EYA2: variants seen among roughly 807,000 people sequenced by gnomAD.
EYA2 encodes EYA transcriptional coactivator and phosphatase 2.
EYA2 carries 31 observed loss-of-function variants against 69.2 expected under a neutral mutation model. That is an observed-to-expected ratio of 0.45 (90% confidence interval 0.34 to 0.60). The LOEUF (loss-of-function observed/expected upper bound fraction) is 0.60, where lower values mean the gene tolerates loss of function less well. Ranked by LOEUF, EYA2 falls within the 20% of genes least tolerant of loss-of-function variation. The probability of loss-of-function intolerance (pLI) is 0.02; values close to 1 mark genes in which losing one functional copy is unlikely to be tolerated. For synonymous variants in EYA2, 257 were observed against 279.4 expected (o/e 0.92, Z 0.80); for missense variants, 622 against 701.2 (o/e 0.89, Z 1.28).
chr20:46,982,454 C>T (rs1980895011), intron 1 of EYA2, among the ~76,000 whole-genome samples: 1 of 152,196 alleles, frequency 6.6e-6, no homozygotes, highest in African/African-American at 2.4e-5. Flanking sequence ...TTGGGATTCA[C>T]AGAACTTCTT....
Position 47,188,405 on chromosome 20 carries a change from A to C in EYA2, c.*272A>C. ...CTCTTCTGTAAGACTCACAGAACAA[A>C]AGCAAGGAATTGCTGATTTGGGGGG... On this transcript the variant is annotated 3_prime_UTR_variant, in exon 16 of 16. Transcript: ENST00000327619. 1 of 564,840 alleles carries C rather than the reference A, an allele frequency of 1.8e-6. No homozygotes were observed. Among genetic ancestry groups the C allele is most frequent in the Non-Finnish European group, 3.1e-6 (1 of 317,730 alleles). The allele number at this position is 564,840 out of a possible 1,614,324, so 35.0% of individuals were successfully genotyped here.
At chr20:47,014,263 A>T (rs190458429) in intron 4 of EYA2, among the ~76,000 whole-genome samples, 2 of 152,282 alleles carry the variant, frequency 1.3e-5, no homozygotes, top group Admixed American at 1.3e-4. Context: ...CCTGACTCAC[A>T]ATCTATCTGT....
intron 3 of EYA2, among the ~76,000 whole-genome samples, chr20:47,004,654 G>A (rs927859923): frequency 6.6e-6 from 1 of 152,164 alleles, no homozygotes; most frequent in Admixed American, 6.5e-5. Flanking sequence ...GAGGGTTGCG[G>A]GGGATGTGTT....
Position 47,169,166 on chromosome 20 carries a change from G to T in EYA2, c.1006G>T (p.Val336Phe). ...EDCDQIHVDD[V>F]SSDDNGQDLS... is the part of the protein sequence containing the mutation. ...TTGTGACCAGATCCACGTTGATGAC[G>T]TCTCATCAGATGACAATGGCCAAGA... The change falls in exon 11 of 16, where the codon GTC becomes TTC. Residue 336 changes from valine to phenylalanine, a missense_variant. By Grantham distance (50) the Val-to-Phe change is conservative. Coordinates refer to ENST00000327619, the MANE Select transcript of EYA2 (RefSeq NM_005244.5). 1 of 1,613,924 alleles carries T rather than the reference G, an allele frequency of 6.2e-7. No individual in the cohort carries two copies. The highest frequency in any genetic ancestry group is 8.5e-7 in the Non-Finnish European group (1 of 1,179,950).
intron 15 of EYA2, among the ~76,000 whole-genome samples, chr20:47,187,643 C>T (rs1323216107): frequency 6.6e-6 from 1 of 152,196 alleles, no homozygotes; most frequent in African/African-American, 2.4e-5. Flanking sequence ...CTCAAGCAAT[C>T]CTCCCGCCTC....
At chr20:47,132,570 A>G (rs1209583606) in intron 9 of EYA2, among the ~76,000 whole-genome samples, 1 of 152,192 alleles carries the variant, frequency 6.6e-6, no homozygotes, top group Non-Finnish European at 1.5e-5. Flanking sequence ...GGGAGAGTGA[A>G]CATCTCCTTC....
At chr20:47,015,297 TCTC>T (rs1186850440) in intron 4 of EYA2, among the ~76,000 whole-genome samples, 1 of 152,200 alleles carries the variant, frequency 6.6e-6, no homozygotes, top group Non-Finnish European at 1.5e-5. Context: ...ATGGTTAGCC[TCTC>T]CTCCTCAACA....
At chr20:47,123,027 G>A (rs1568792127) in intron 9 of EYA2, among the ~76,000 whole-genome samples, 1 of 152,162 alleles carries the variant, frequency 6.6e-6, no homozygotes, top group African/African-American at 2.4e-5. Flanking sequence ...TTTCACCTCT[G>A]TAGCATGGAT....
intron 8 of EYA2, among the ~76,000 whole-genome samples, chr20:47,095,209 T>G (rs889644100): frequency 1.3e-5 from 2 of 152,110 alleles, no homozygotes; most frequent in African/African-American, 2.4e-5. Flanking sequence ...GAAAAAAAGT[T>G]ATTGGAAATC....
At chr20:46,988,077 A>G (rs1166072022) in intron 1 of EYA2, among the ~76,000 whole-genome samples, 1 of 148,490 alleles carries the variant, frequency 6.7e-6, no homozygotes, top group Non-Finnish European at 1.5e-5. Context: ...TAGTGTTTAC[A>G]TTGCGTTGGA....
At chr20:46,953,011 CA>C (rs1371617566) in intron 1 of EYA2, among the ~76,000 whole-genome samples, 2 of 152,188 alleles carry the variant, frequency 1.3e-5, no homozygotes, top group Non-Finnish European at 2.9e-5. Context: ...GTTCAATTTT[CA>C]AATGTCATCC....
intron 10 of EYA2, among the ~76,000 whole-genome samples, chr20:47,165,094 C>T (rs1041589790): frequency 6.6e-6 from 1 of 152,192 alleles, no homozygotes; most frequent in Admixed American, 6.5e-5. Flanking sequence ...GACTAAAGAA[C>T]TGAACCTTTA....
chr20:47,102,606 G>A (rs2146527455), intron 9 of EYA2, among the ~76,000 whole-genome samples: 1 of 152,312 alleles, frequency 6.6e-6, no homozygotes. Context: ...AATGATTGGG[G>A]AATGATTCAA....
chr20:46,947,602 GC>G (rs1398525932), intron 1 of EYA2, among the ~76,000 whole-genome samples: 3 of 152,172 alleles, frequency 2.0e-5, no homozygotes, highest in Non-Finnish European at 2.9e-5. Context: ...TTTATTTATT[GC>G]TCCTGCTCCA....
chr20:47,173,216 G>A (rs1003970378), intron 12 of EYA2, among the ~76,000 whole-genome samples: 2 of 152,126 alleles, frequency 1.3e-5, no homozygotes, highest in Non-Finnish European at 2.9e-5. Context: ...TGTTGAAAAT[G>A]CAGATTCTCT....
chr20:46,916,303 T>A (rs1444846922), intron 1 of EYA2, among the ~76,000 whole-genome samples: 1 of 152,202 alleles, frequency 6.6e-6, no homozygotes, highest in Non-Finnish European at 1.5e-5. Context: ...GAAATGGTCT[T>A]TAACTGCTCG....
chr20:47,142,185 T>C (rs1272120431), intron 9 of EYA2, among the ~76,000 whole-genome samples: 1 of 152,190 alleles, frequency 6.6e-6, no homozygotes, highest in Non-Finnish European at 1.5e-5. Flanking sequence ...CTTAACTCAT[T>C]AGTCATACAA....
At chr20:46,939,174 A>T (rs944361113) in intron 1 of EYA2, among the ~76,000 whole-genome samples, 3 of 152,188 alleles carry the variant, frequency 2.0e-5, no homozygotes, top group African/African-American at 7.2e-5. Flanking sequence ...CCCTGGTGAC[A>T]GCGATTGGTT....
At chr20:47,030,705 G>A (rs985858639) in intron 5 of EYA2, among the ~76,000 whole-genome samples, 3 of 151,646 alleles carry the variant, frequency 2.0e-5, no homozygotes, top group Non-Finnish European at 2.9e-5. Flanking sequence ...GTATATGCTC[G>A]CTCTGTGAAC....
Sources: gnomAD v4.1 joint callset for allele counts (sites outside exome capture counted in the v4.1 genomes callset) on GRCh38, gnomAD v4.1.1 for gene constraint, MANE v1.5 for transcripts, NCBI Gene and HGNC (gene_info 2026-07-23, HGNC 2026-07-21) for gene names.